Variants in LRP1B observed in about 807,000 individuals in gnomAD.
LRP1B encodes LDL receptor related protein 1B.
LRP1B carries 217 observed loss-of-function variants against 556.6 expected under a neutral mutation model. That is an observed-to-expected ratio of 0.39 (90% confidence interval 0.35 to 0.44). The LOEUF (loss-of-function observed/expected upper bound fraction) is 0.44. Among genes scored for constraint, LRP1B ranks in the 20% least tolerant of loss-of-function variants. LRP1B has a pLI of 1.00. For missense variants in LRP1B, 5,053 were observed against 5,620.8 expected, an observed-to-expected ratio of 0.90 and a Z score of 3.23; for synonymous variants, 2,047 against 1,865.8, an observed-to-expected ratio of 1.10 and a Z score of -2.50.
At chr2:140,557,963 C>T (rs2105068685) in intron 43 of LRP1B, among the ~76,000 whole-genome samples, 1 of 152,212 alleles carries the variant, frequency 6.6e-6, no homozygotes, top group East Asian at 1.9e-4. Context: ...AGCCTAAGCT[C>T]CAAAGAATAT....
At chr2:141,271,843 A>T (rs1685105727) in intron 3 of LRP1B, among the ~76,000 whole-genome samples, 1 of 151,848 alleles carries the variant, frequency 6.6e-6, no homozygotes, top group African/African-American at 2.4e-5. Context: ...ATAATGTCTC[A>T]TTTCATAGTT....
At chr2:140,250,778 T>C (rs1681375936) in intron 86 of LRP1B, among the ~76,000 whole-genome samples, 1 of 151,748 alleles carries the variant, frequency 6.6e-6, no homozygotes, top group Admixed American at 6.6e-5. Context: ...GAATCTGATG[T>C]AAATAATTCA....
At chr2:140,912,452 A>G (rs1414367421) in intron 21 of LRP1B, among the ~76,000 whole-genome samples, 1 of 151,680 alleles carries the variant, frequency 6.6e-6, no homozygotes, top group African/African-American at 2.4e-5. Flanking sequence ...ACTATCCAAT[A>G]GATAGAATAT....
intron 2 of LRP1B, among the ~76,000 whole-genome samples, chr2:141,674,004 T>A (rs757153994): frequency 1.3e-5 from 2 of 151,994 alleles, no homozygotes; most frequent in Non-Finnish European, 2.9e-5. Context: ...GAAGCTTTGG[T>A]CAATCCAAAG....
chr2:141,510,735 C>T (rs1450530574), intron 2 of LRP1B, among the ~76,000 whole-genome samples: 1 of 151,982 alleles, frequency 6.6e-6, no homozygotes, highest in Non-Finnish European at 1.5e-5. Flanking sequence ...AATAACATTT[C>T]CATCATGTTG....
At chr2:140,383,550 G>T (rs1166603732) in intron 67 of LRP1B, among the ~76,000 whole-genome samples, 1 of 152,054 alleles carries the variant, frequency 6.6e-6, no homozygotes, top group Non-Finnish European at 1.5e-5. Flanking sequence ...ATTCAAAATA[G>T]TATCTTCAAG....
intron 7 of LRP1B, among the ~76,000 whole-genome samples, chr2:141,126,197 A>C (rs986860377): frequency 1.1e-4 from 17 of 151,794 alleles, no homozygotes; most frequent in Non-Finnish European, 1.8e-4. Context: ...ACGCCTGACT[A>C]ATTTTTTTGT....
At chr2:141,106,846 C>T (rs1700615525) in intron 7 of LRP1B, among the ~76,000 whole-genome samples, 1 of 152,168 alleles carries the variant, frequency 6.6e-6, no homozygotes, top group Non-Finnish European at 1.5e-5. Flanking sequence ...ACGAGTCAAC[C>T]ACTTTCGATG....
intron 66 of LRP1B, among the ~76,000 whole-genome samples, chr2:140,396,876 T>A (rs1022486152): frequency 4.6e-5 from 7 of 152,176 alleles, no homozygotes; most frequent in African/African-American, 1.4e-4. Context: ...ATTTTGGTTG[T>A]CAGCACTGAT....
At chr2:142,055,396 G>T (rs1393990389) in intron 1 of LRP1B, among the ~76,000 whole-genome samples, 1 of 152,060 alleles carries the variant, frequency 6.6e-6, no homozygotes, top group Non-Finnish European at 1.5e-5. Flanking sequence ...AACTTCAGAA[G>T]ACTATTTGCA....
intron 27 of LRP1B, among the ~76,000 whole-genome samples, chr2:140,854,652 T>G (rs1419893564): frequency 6.6e-6 from 1 of 152,224 alleles, no homozygotes; most frequent in African/African-American, 2.4e-5. Flanking sequence ...TCTGGTCCAC[T>G]GACTGTTTTT....
chr2:141,718,247 C>T (rs763330859), intron 2 of LRP1B, among the ~76,000 whole-genome samples: 13 of 152,154 alleles, frequency 8.5e-5, no homozygotes, highest in Non-Finnish European at 1.8e-4. Context: ...TTTCCTCCCT[C>T]GACCTCAGAC....
rs572501137 is a variant in LRP1B, at chr2:140,764,005, G to A, written c.5758+5208C>T. On this transcript the variant is annotated intron_variant, in intron 35 of 90. Coordinates refer to ENST00000389484, the MANE Select transcript of LRP1B (RefSeq NM_018557.3). ...CCAAGAAAATGGTTTTCATAAAATC[G>A]AAAAAATGTCCCAAAGCAACAATAT... 3.3e-5 allele frequency among the ~76,000 whole-genome samples: 5 copies of A among 152,104 alleles called. No homozygotes were observed. In the South Asian group the frequency reaches 1.0e-3, roughly 32 times the overall value.
intron 2 of LRP1B, among the ~76,000 whole-genome samples, chr2:141,589,771 G>A (rs1687271753): frequency 6.6e-6 from 1 of 152,150 alleles, no homozygotes; most frequent in African/African-American, 2.4e-5. Flanking sequence ...TAAATCCTGG[G>A]AGGTGGGATG....
In LRP1B at chr2:142,115,547, ATATATAT is replaced by A. The variant is rs1209875558; in HGVS notation, c.82+15094_82+15100del. ...ATAATATATATATTACATATGTAAT[ATATATAT>A]TATATATGTAATATATATTATATAT... On this transcript the variant is annotated intron_variant, in intron 1 of 90. Transcript: ENST00000389484. Among the ~76,000 whole-genome samples the A allele has an allele frequency of 1.8e-4, 7 of 38,616 alleles. 2 individuals are homozygous for A. The highest frequency in any genetic ancestry group is 5.0e-4 in the Admixed American group (1 of 1,986). The allele number at this position is 38,616 out of a possible 152,430, so 25.3% of individuals were successfully genotyped here.
intron 60 of LRP1B, among the ~76,000 whole-genome samples, chr2:140,459,008 AT>A (rs2105326222): frequency 6.6e-6 from 1 of 152,208 alleles, no homozygotes; most frequent in Non-Finnish European, 1.5e-5. Context: ...TACTAATCAT[AT>A]GAAGGATGTA....
At chr2:141,835,553 GC>G (rs1326895308) in intron 1 of LRP1B, among the ~76,000 whole-genome samples, 1 of 151,716 alleles carries the variant, frequency 6.6e-6, no homozygotes, top group Admixed American at 6.6e-5. Flanking sequence ...TGCCTAGAAA[GC>G]AAGAAAAAGA....
chr2:140,640,621 G>A (rs1000166532), intron 41 of LRP1B, among the ~76,000 whole-genome samples: 1 of 150,790 alleles, frequency 6.6e-6, no homozygotes, highest in Non-Finnish European at 1.5e-5. Flanking sequence ...CTGACCTCGT[G>A]ATCCGCCCAC....
At chr2:141,389,813 G>A (rs1238150712) in intron 3 of LRP1B, among the ~76,000 whole-genome samples, 1 of 152,106 alleles carries the variant, frequency 6.6e-6, no homozygotes, top group Admixed American at 6.6e-5. Context: ...GTTAAAAAGT[G>A]GGCAAACAAC....
Sources: gnomAD v4.1 joint callset for allele counts (sites outside exome capture counted in the v4.1 genomes callset) on GRCh38, gnomAD v4.1.1 for gene constraint, MANE v1.5 for transcripts, NCBI Gene and HGNC (gene_info 2026-07-23, HGNC 2026-07-21) for gene names.